Variants in SNRPN observed in about 807,000 individuals in gnomAD.
SNRPN encodes small nuclear ribonucleoprotein-associated protein N.
A neutral mutation model predicts 25.2 loss-of-function variants in SNRPN; 7 were observed. The ratio of observed to expected loss-of-function variants is 0.28; its 90% CI spans 0.16 to 0.52. SNRPN has a LOEUF of 0.52. Among genes scored for constraint, SNRPN ranks in the 20% least tolerant of loss-of-function variants. The probability of loss-of-function intolerance (pLI) is 0.96; values close to 1 mark genes in which losing one functional copy is unlikely to be tolerated. For synonymous variants in SNRPN, 124 were observed against 110.6 expected (o/e 1.12, Z -0.76); for missense variants, 196 against 322.5 (o/e 0.61, Z 3.00).
At chr15:24,890,704 A>C (rs1047849273) in intron 2 of SNRPN, among the ~76,000 whole-genome samples, 5 of 151,964 alleles carry the variant, frequency 3.3e-5, no homozygotes, top group Non-Finnish European at 7.4e-5. Context: ...AAACAAAAAA[A>C]CAAAAAAGCC....
chr15:24,865,622 C>T (rs933607323), intron 1 of SNRPN, among the ~76,000 whole-genome samples: 1 of 152,118 alleles, frequency 6.6e-6, no homozygotes, highest in Non-Finnish European at 1.5e-5. Flanking sequence ...TGCTTAGCTG[C>T]TAGAGAAAAA....
In SNRPN at chr15:24,919,304, A is replaced by G. The variant is rs528500194; in HGVS notation, c.-504-707A>G. Reference sequence around the variant, plus strand: ...AAATTAGCCGGGCGTCGTGGCGGGCACCTGTAGTCCCAGCTACTCGGGAGG... The same window carrying G: ...AAATTAGCCGGGCGTCGTGGCGGGCGCCTGTAGTCCCAGCTACTCGGGAGG... On this transcript the variant is annotated intron_variant, in intron 2 of 11. Coordinates refer to the SNRPN transcript ENST00000400097. Among the ~76,000 whole-genome samples, 7 of 151,426 alleles carry G rather than the reference A, an allele frequency of 4.6e-5. 1 individual carries two copies. The South Asian group carries it at 1.0e-3, about 23-fold the overall frequency.
chr15:24,889,751 C>A lies in SNRPN; in HGVS notation c.-505+3162C>A, dbSNP rs1305228939. On this transcript the variant is annotated intron_variant, in intron 2 of 11. Coordinates refer to the SNRPN transcript ENST00000400097. Reference sequence around the variant, plus strand: ...TTGTTTCATAGGTAGTGCAGGGGGTCAGAATAGGATACCCCTGGCTGGGTG... The same window carrying A: ...TTGTTTCATAGGTAGTGCAGGGGGTAAGAATAGGATACCCCTGGCTGGGTG... Among the ~76,000 whole-genome samples the A allele has an allele frequency of 2.0e-5, 3 of 151,862 alleles. No homozygotes were observed. The East Asian group carries it at 5.9e-4, about 30-fold the overall frequency.
At chr15:24,829,032 A>G (rs899537509) in intron 1 of SNRPN, among the ~76,000 whole-genome samples, 4 of 152,142 alleles carry the variant, frequency 2.6e-5, no homozygotes, top group African/African-American at 7.2e-5. Flanking sequence ...AGATTGAAAG[A>G]AAGTTTTTAG....
At chr15:24,869,138 G>C (rs11161148) in intron 1 of SNRPN, among the ~76,000 whole-genome samples, 82,152 of 151,878 alleles carry the variant, frequency 0.54, 23,038 homozygotes, top group African/African-American at 0.69. Context: ...GAGTGATACC[G>C]TGTCTCAAAA....
intron 3 of SNRPN, among the ~76,000 whole-genome samples, chr15:24,935,803 T>C (rs557531385): frequency 6.6e-6 from 1 of 152,216 alleles, no homozygotes; most frequent in Non-Finnish European, 1.5e-5. Flanking sequence ...GTGCTCACTC[T>C]TTGGGGCCAG....
intron 2 of SNRPN, among the ~76,000 whole-genome samples, chr15:24,902,957 A>G (rs2058563335): frequency 6.6e-6 from 1 of 152,194 alleles, no homozygotes; most frequent in African/African-American, 2.4e-5. Context: ...GGCCCTGCCC[A>G]TGTCCTGCTG....
intron 2 of SNRPN, among the ~76,000 whole-genome samples, chr15:24,894,138 C>A (rs891574947): frequency 1.3e-5 from 2 of 152,220 alleles, no homozygotes; most frequent in African/African-American, 4.8e-5. Context: ...CCACAGCCCC[C>A]CAACCTGATG....
At chr15:24,974,280 C>T (rs2076811813) in intron 3 of SNRPN, 31 bp from the exon 4 acceptor site, 5 of 629,226 alleles carry the variant, frequency 7.9e-6, no homozygotes, top group Non-Finnish European at 1.4e-5. Context: ...TGGTAGATTG[C>T]AGTGCAGCTT....
intron 1 of SNRPN, among the ~76,000 whole-genome samples, chr15:24,825,018 A>G (rs2049976039): frequency 6.6e-6 from 1 of 152,040 alleles, no homozygotes; most frequent in South Asian, 2.1e-4. Flanking sequence ...CCTCAATCTT[A>G]TGGTCTAAAA....
intron 2 of SNRPN, among the ~76,000 whole-genome samples, chr15:24,889,197 C>T (rs1217027747): frequency 2.0e-5 from 3 of 152,160 alleles, no homozygotes; most frequent in South Asian, 2.1e-4. Context: ...GGATTACAGG[C>T]GTGAGCCACC....
intron 5 of SNRPN, 39 bp from the exon 6 acceptor site, chr15:24,976,266 C>T: frequency 6.7e-7 from 1 of 1,491,916 alleles, no homozygotes; most frequent in Non-Finnish European, 9.4e-7. Context: ...TGAGTGATCA[C>T]TAAAATTTAT....
intron 2 of SNRPN, among the ~76,000 whole-genome samples, chr15:24,842,594 C>T (rs1367806480): frequency 6.6e-6 from 1 of 152,134 alleles, no homozygotes; most frequent in Non-Finnish European, 1.5e-5. Flanking sequence ...TTGAGCAAAG[C>T]TTTAAGGAAA....
upstream of SNRPN, among the ~76,000 whole-genome samples, chr15:24,950,601 G>A (rs1467683510): frequency 2.9e-5 from 4 of 139,874 alleles, no homozygotes; most frequent in African/African-American, 1.1e-4. Flanking sequence ...CAGGCGGAGT[G>A]CAGTGGTGCC....
intron 3 of SNRPN, among the ~76,000 whole-genome samples, chr15:24,972,541 C>CTTT (rs755600861): frequency 4.5e-5 from 5 of 112,214 alleles, no homozygotes; most frequent in Admixed American, 9.0e-5. Flanking sequence ...TTAGAGTATT[C>CTTT]TTTTTTTTTT....
At chr15:24,959,544 G>C (rs748779343) in intron 1 of SNRPN, among the ~76,000 whole-genome samples, 3 of 152,192 alleles carry the variant, frequency 2.0e-5, no homozygotes, top group Non-Finnish European at 4.4e-5. Flanking sequence ...CTTTCATATT[G>C]AGCAACTGCC....
chr15:24,936,679 A>C (rs1165370426), intron 3 of SNRPN, among the ~76,000 whole-genome samples: 2 of 152,120 alleles, frequency 1.3e-5, no homozygotes, highest in African/African-American at 4.8e-5. Context: ...CAGGAGAGAG[A>C]GAGCAAGGGG....
chr15:24,931,936 C>T (rs1435895169), intron 3 of SNRPN, among the ~76,000 whole-genome samples: 2 of 147,442 alleles, frequency 1.4e-5, no homozygotes, highest in Non-Finnish European at 3.0e-5. Context: ...GTAGGGTATG[C>T]TCAGTTGAGT....
chr15:24,883,001 T>G (rs2056870814), intron 1 of SNRPN, among the ~76,000 whole-genome samples: 1 of 151,976 alleles, frequency 6.6e-6, no homozygotes, highest in Non-Finnish European at 1.5e-5. Context: ...GTGTTGAATA[T>G]CTCATGTAAT....
Sources: allele counts gnomAD v4.1 joint callset (sites outside exome capture counted in the v4.1 genomes callset), GRCh38; gene constraint gnomAD v4.1.1; transcripts MANE v1.5; gene names NCBI Gene and HGNC (gene_info 2026-07-23, HGNC 2026-07-21).